ADHFE1: variants seen among roughly 807,000 people sequenced by gnomAD.
ADHFE1 encodes alcohol dehydrogenase iron containing 1.
Under a neutral mutation model 54.8 loss-of-function variants are expected in ADHFE1, and 37 were observed. The ratio of observed to expected loss-of-function variants is 0.68; its 90% CI spans 0.52 to 0.89. The LOEUF (loss-of-function observed/expected upper bound fraction) is 0.89. Ranked by LOEUF, ADHFE1 falls within the 40% of genes least tolerant of loss-of-function variation. The pLI is 0.00. For synonymous variants in ADHFE1, 203 were observed against 229.3 expected (o/e 0.89, Z 1.04); for missense variants, 601 against 591.2 (o/e 1.02, Z -0.17).
rs959046300 is a variant in ADHFE1 at position 66,451,939 on chromosome 8, A to G, written c.735-14A>G. ...GACGCTTTCCATCTGTGTACTTTCAATATTTCTTTTTAGCCATGCCCTGGA... is the reference window on the plus strand; with the variant it reads ...GACGCTTTCCATCTGTGTACTTTCAGTATTTCTTTTTAGCCATGCCCTGGA... On this transcript the variant is annotated splice_polypyrimidine_tract_variant and intron_variant, in intron 8 of 13. Transcript: ENST00000396623. The G allele has an allele frequency of 2.5e-6, 4 of 1,612,784 alleles. No homozygotes were observed. The highest frequency in any genetic ancestry group is 2.2e-5 in the South Asian group (2 of 90,960).
chr8:66,452,030 C>T lies in ADHFE1; in HGVS notation c.812C>T (p.Ala271Val), dbSNP rs765664962. The T allele has an allele frequency of 3.7e-6, 6 of 1,614,218 alleles. No individual in the cohort carries two copies. The highest frequency in any genetic ancestry group is 2.2e-5 in the South Asian group (2 of 91,088). ...PCPSNPITRP[A>V]YQGSNPISDI... ...CCTTCAAATCCCATCACACGGCCTGCGTACCAGGGCAGCAACCCAATCAGT... is the reference window on the plus strand; with the variant it reads ...CCTTCAAATCCCATCACACGGCCTGTGTACCAGGGCAGCAACCCAATCAGT... The change falls in exon 9 of 14, where the codon GCG (alanine) becomes GTG (valine). Residue 271 changes from alanine to valine, a missense_variant. Physicochemically the swap from Ala to Val is moderately conservative, Grantham distance 64 (BLOSUM62 0). Transcript: ENST00000396623.
intron 2 of ADHFE1, 28 bp from the exon 3 acceptor site, chr8:66,442,761 TAAAGACCCA>T: frequency 6.4e-7 from 1 of 1,574,768 alleles, no homozygotes; most frequent in Non-Finnish European, 8.6e-7. Context: ...TGCTTTTTTT[TAAAGACCCA>T]CTTTGATGCT....
chr8:66,440,311 A>G (rs1805683298), intron 2 of ADHFE1, 112 bp downstream of exon 2: 3 of 969,084 alleles, frequency 3.1e-6, no homozygotes, highest in African/African-American at 1.6e-5. Context: ...AGCAAGGTCC[A>G]TGAAAACAGT....
chr8:66,461,175 A>G (rs1201827814), intron 13 of ADHFE1, among the ~76,000 whole-genome samples: 1 of 152,230 alleles, frequency 6.6e-6, no homozygotes, highest in Non-Finnish European at 1.5e-5. Flanking sequence ...GCAATTCACC[A>G]TAAAGCAGAG....
Position 66,441,717 on chromosome 8 carries a change from C to T in ADHFE1, c.98-1081C>T, listed in dbSNP as rs568766500. On this transcript the variant is annotated intron_variant, in intron 2 of 13. Transcript: ENST00000396623. ...GCACCTTATAAAAATGTTTATTAGG[C>T]CGGGCACGGTGGCTCACACCCATAA... Among the ~76,000 whole-genome samples, 3 of 152,208 alleles carry T rather than the reference C, an allele frequency of 2.0e-5. No homozygotes were observed. In the East Asian group the frequency reaches 5.8e-4, roughly 29 times the overall value.
intron 8 of ADHFE1, 123 bp from the exon 9 acceptor site, chr8:66,451,830 G>A: frequency 6.4e-6 from 7 of 1,100,660 alleles, no homozygotes; most frequent in East Asian, 2.5e-5. Context: ...GTGATCATCA[G>A]TGTTAGATAA....
intron 12 of ADHFE1, among the ~76,000 whole-genome samples, chr8:66,459,371 G>A (rs1053477927): frequency 1.3e-5 from 2 of 148,446 alleles, no homozygotes; most frequent in Non-Finnish European, 3.0e-5. Context: ...CTTCCAGATT[G>A]CCATTTCCAT....
chr8:66,445,507 C>A, intron 6 of ADHFE1, 93 bp downstream of exon 6: 1 of 1,236,424 alleles, frequency 8.1e-7, no homozygotes, highest in Non-Finnish European at 1.1e-6. Context: ...ATACACATTT[C>A]GAAAGCTTTC....
At chr8:66,435,601 A>ATTTTT (rs533571994) in intron 1 of ADHFE1, among the ~76,000 whole-genome samples, 7 of 78,296 alleles carry the variant, frequency 8.9e-5, no homozygotes, top group Non-Finnish European at 1.1e-4. Flanking sequence ...TCATTTCAAG[A>ATTTTT]TTTTTTTTTT....
At chr8:66,434,727 G>T (rs1327354130) in intron 1 of ADHFE1, among the ~76,000 whole-genome samples, 1 of 152,216 alleles carries the variant, frequency 6.6e-6, no homozygotes, top group African/African-American at 2.4e-5. Context: ...GAATGGAGGG[G>T]AAAGAATCAG....
chr8:66,458,530 A>G (rs1405357295), intron 12 of ADHFE1, among the ~76,000 whole-genome samples: 2 of 152,220 alleles, frequency 1.3e-5, no homozygotes, highest in Non-Finnish European at 2.9e-5. Context: ...AAAGCATGTA[A>G]ATAAGAAGAG....
At chr8:66,436,774 A>G (rs1295543180) in intron 1 of ADHFE1, among the ~76,000 whole-genome samples, 1 of 152,208 alleles carries the variant, frequency 6.6e-6, no homozygotes, top group Non-Finnish European at 1.5e-5. Flanking sequence ...AAAAAGTTCC[A>G]GGACTGACCC....
chr8:66,450,190 A>G (rs1444807628), intron 8 of ADHFE1, among the ~76,000 whole-genome samples: 1 of 152,226 alleles, frequency 6.6e-6, no homozygotes, highest in Non-Finnish European at 1.5e-5. Flanking sequence ...CAATATTGTC[A>G]GAACTTTGAT....
In ADHFE1 at chr8:66,443,264, ATTT is replaced by A. The variant is rs540464621; in HGVS notation, c.144+450_144+452del. Among the ~76,000 whole-genome samples the A allele has an allele frequency of 8.1e-5, 7 of 86,094 alleles. No homozygotes were observed. In the East Asian group the frequency reaches 9.5e-4, roughly 12 times the overall value. The allele number at this position is 86,094 out of a possible 152,430, so 56.5% of individuals were successfully genotyped here. On this transcript the variant is annotated intron_variant, in intron 3 of 13. Coordinates refer to ENST00000396623, the MANE Select transcript of ADHFE1 (RefSeq NM_144650.3). ...GTCCCTGTCTCCTCCTAGTCCAGGA[ATTT>A]TTTTTTTTTTTTTTTTTTTTTTTTT...
chr8:66,456,930 T>G (rs1158741304), intron 11 of ADHFE1, 35 bp downstream of exon 11: 39 of 1,454,030 alleles, frequency 2.7e-5, no homozygotes, highest in Non-Finnish European at 3.1e-5. Context: ...TAATTAAATA[T>G]TATAATCATC....
At position 66,449,003 on chromosome 8, in the gene ADHFE1, T is replaced by G. The variant is rs779651009; in HGVS notation, c.734+33T>G. ...CTGGTGCCTCCTGGAGGGGCTTTTT[T>G]AGTACTGGGTCTATGGATAGTATTT... On this transcript the variant is annotated intron_variant, in intron 8 of 13. Transcript: ENST00000396623. 3.2e-6 allele frequency: 5 copies of G among 1,559,216 alleles called. No individual in the cohort carries two copies. The East Asian group carries it at 9.0e-5, about 28-fold the overall frequency.
intron 1 of ADHFE1, among the ~76,000 whole-genome samples, chr8:66,434,857 T>C (rs1308267800): frequency 1.3e-5 from 2 of 152,094 alleles, no homozygotes; most frequent in Non-Finnish European, 2.9e-5. Flanking sequence ...TGGGTGCCCA[T>C]AGTCCCAGCT....
chr8:66,456,542 G>T (rs952667264), intron 10 of ADHFE1, among the ~76,000 whole-genome samples: 1 of 152,178 alleles, frequency 6.6e-6, no homozygotes, highest in Non-Finnish European at 1.5e-5. Flanking sequence ...TTAACTAATG[G>T]GTTCAGGGAG....
chr8:66,452,551 G>A (rs1167689625), intron 9 of ADHFE1, among the ~76,000 whole-genome samples: 2 of 152,220 alleles, frequency 1.3e-5, no homozygotes, highest in Non-Finnish European at 2.9e-5. Flanking sequence ...CACTTTGGGA[G>A]GCCAAAGCAG....
Sources: allele counts gnomAD v4.1 joint callset (sites outside exome capture counted in the v4.1 genomes callset), GRCh38; gene constraint gnomAD v4.1.1; transcripts MANE v1.5; gene names NCBI Gene and HGNC (gene_info 2026-07-23, HGNC 2026-07-21).